The following DPP6 variants were observed in gnomAD, a reference collection of about 807,000 sequenced individuals.
DPP6 encodes dipeptidyl peptidase like 6.
Under a neutral mutation model 122.6 loss-of-function variants are expected in DPP6, and 69 were observed. The ratio of observed to expected loss-of-function variants is 0.56; its 90% confidence interval spans 0.46 to 0.69. DPP6 has a LOEUF of 0.69. DPP6 is among the 30% of genes least tolerant of loss of function. The probability of loss-of-function intolerance (pLI) is 0.00; values close to 1 mark genes in which losing one functional copy is unlikely to be tolerated. For missense variants in DPP6, 928 were observed against 1,116.9 expected, an observed-to-expected ratio of 0.83 and a Z score of 2.41; for synonymous variants, 418 against 433.1, an observed-to-expected ratio of 0.97 and a Z score of 0.43.
intron 12 of DPP6, among the ~76,000 whole-genome samples, chr7:154,796,693 T>A (rs1798069349): frequency 1.3e-5 from 2 of 152,196 alleles, no homozygotes; most frequent in African/African-American, 4.8e-5. Context: ...TGCTTCTTCA[T>A]CGATATGGTG....
chr7:154,226,571 A>G (rs1017050171), intron 1 of DPP6, among the ~76,000 whole-genome samples: 2 of 152,168 alleles, frequency 1.3e-5, no homozygotes, highest in Non-Finnish European at 2.9e-5. Context: ...CAGTATTGCA[A>G]TCCATGTAGT....
rs1804753859 is a variant in DPP6 at position 154,875,272 on chromosome 7, A to C, written c.1884-634A>C. On this transcript the variant is annotated intron_variant, in intron 19 of 25. Coordinates refer to ENST00000377770, the MANE Select transcript of DPP6 (RefSeq NM_130797.4). This position sits in a 1 kb window ranked among gnomAD's most constrained non-coding sequence, Gnocchi z 4.5. ...AAATGCCCCACCATGGATGCCTTTCAGCCAGCAGTGCTGGGCTCGCAAATG... is the reference window on the plus strand; with the variant it reads ...AAATGCCCCACCATGGATGCCTTTCCGCCAGCAGTGCTGGGCTCGCAAATG... 6.6e-6 allele frequency among the ~76,000 whole-genome samples: 1 copy of C among 152,238 alleles called. No homozygotes were observed. Among genetic ancestry groups the C allele is most frequent in the Admixed American group, 6.5e-5 (1 of 15,292 alleles).
intron 1 of DPP6, among the ~76,000 whole-genome samples, chr7:154,141,353 C>A: frequency 6.6e-6 from 1 of 152,178 alleles, no homozygotes. Context: ...CTCCTCAGTG[C>A]GACTCCCATC....
chr7:153,842,483 A>G, the DPP6 span, among the ~76,000 whole-genome samples: 6 of 151,736 alleles, frequency 4.0e-5, no homozygotes, highest in Non-Finnish European at 8.8e-5. Context: ...TCTATTTTGC[A>G]TTCAATCTTT....
intron 1 of DPP6, among the ~76,000 whole-genome samples, chr7:154,204,558 G>A (rs918496093): frequency 2.6e-5 from 4 of 152,110 alleles, no homozygotes; most frequent in African/African-American, 7.2e-5. Flanking sequence ...GTGAACACAC[G>A]GCAAACCTGA....
intron 1 of DPP6, among the ~76,000 whole-genome samples, chr7:153,937,922 A>C (rs1415883400): frequency 6.6e-6 from 1 of 152,196 alleles, no homozygotes; most frequent in African/African-American, 2.4e-5. Flanking sequence ...TTGGAATTAC[A>C]CATGCCAGAT....
chr7:154,434,515 C>T (rs1384607775), intron 1 of DPP6, among the ~76,000 whole-genome samples: 2 of 152,078 alleles, frequency 1.3e-5, no homozygotes, highest in Non-Finnish European at 2.9e-5. Flanking sequence ...ATCTGACGTG[C>T]TCTTCCATTT....
intron 1 of DPP6, among the ~76,000 whole-genome samples, chr7:154,415,419 C>T (rs1205780949): frequency 6.6e-6 from 1 of 152,140 alleles, no homozygotes; most frequent in Non-Finnish European, 1.5e-5. Context: ...TTGCCTTCCT[C>T]AAGCATGCTT....
intron 1 of DPP6, among the ~76,000 whole-genome samples, chr7:153,999,688 G>A (rs1797598267): frequency 3.3e-5 from 5 of 152,190 alleles, no homozygotes. Context: ...GCAGTGGGGG[G>A]TGGCTCACGC....
At chr7:154,573,820 A>G (rs920386836) in intron 5 of DPP6, among the ~76,000 whole-genome samples, 1 of 152,232 alleles carries the variant, frequency 6.6e-6, no homozygotes, top group African/African-American at 2.4e-5. Context: ...TTTAAAGGCT[A>G]AGCCTGTGTA....
rs143049685 is a variant in DPP6, at chr7:154,067,673, T to G, written c.243+14610T>G. Among the ~76,000 whole-genome samples, 11 of 152,280 alleles carry G rather than the reference T, an allele frequency of 7.2e-5. No homozygotes were observed. The East Asian group carries it at 2.1e-3, about 29-fold the overall frequency. ...AAGCAGACACGTGAGATTTCTGTTTTTCTGCTTCCATTTCAGTATTTTCCA... is the reference window on the plus strand; with the variant it reads ...AAGCAGACACGTGAGATTTCTGTTTGTCTGCTTCCATTTCAGTATTTTCCA... On this transcript the variant is annotated intron_variant, in intron 1 of 25. Transcript: ENST00000377770.
Position 153,910,234 on chromosome 7 carries a change from C to CTTTTTTCTTTTTTTTTTTTTTTTTTT in DPP6, c.51+22506_51+22507insCTTTTTTTTTTTTTTTTTTTTTTTTT, listed in dbSNP as rs750065238. ...ACTTTTTTGACCACTTTCTTTCTTT[C>CTTTTTTCTTTTTTTTTTTTTTTTTTT]TTTTTTTTTTTTTGAGATGGAGTCT... On this transcript the variant is annotated intron_variant, in intron 1 of 25. Coordinates refer to the DPP6 transcript ENST00000404039. Among the ~76,000 whole-genome samples, 7 of 137,752 alleles carry CTTTTTTCTTTTTTTTTTTTTTTTTTT rather than the reference C, an allele frequency of 5.1e-5. 1 individual carries two copies. The highest frequency in any genetic ancestry group is 8.1e-5 in the African/African-American group (3 of 37,020). 90.4% of individuals were successfully genotyped at this position (137,752 alleles called of 152,430 possible). A position where few individuals can be genotyped will look rare whatever the true frequency, so the allele number is the denominator to read the frequency against.
intron 7 of DPP6, among the ~76,000 whole-genome samples, chr7:154,670,907 A>C (rs1838511981): frequency 6.6e-6 from 1 of 152,220 alleles, no homozygotes; most frequent in African/African-American, 2.4e-5. Context: ...GCTATTATTA[A>C]CATGTCTCTA....
chr7:154,788,270 C>A (rs1252665883), intron 10 of DPP6, among the ~76,000 whole-genome samples: 2 of 151,896 alleles, frequency 1.3e-5, no homozygotes, highest in African/African-American at 4.8e-5. Context: ...AAGGCGAAAC[C>A]CCCTCTCTAC....
chr7:154,200,961 T>A (rs1248574853), intron 1 of DPP6, among the ~76,000 whole-genome samples: 2 of 152,120 alleles, frequency 1.3e-5, no homozygotes, highest in Admixed American at 6.5e-5. Context: ...AATTGTGGGC[T>A]TCTCTTCCCC....
the DPP6 span, among the ~76,000 whole-genome samples, chr7:153,806,892 A>G: frequency 6.6e-6 from 1 of 151,904 alleles, no homozygotes; most frequent in South Asian, 2.1e-4. Context: ...AATAAAAACT[A>G]CCAGGGAAAT....
At chr7:154,541,835 C>CGA (rs1828755327) in intron 4 of DPP6, among the ~76,000 whole-genome samples, 1 of 152,036 alleles carries the variant, frequency 6.6e-6, no homozygotes, top group South Asian at 2.1e-4. Flanking sequence ...GGATCCTGAG[C>CGA]GAGACTTAGA....
intron 8 of DPP6, among the ~76,000 whole-genome samples, chr7:154,766,915 CT>C (rs1350693513): frequency 3.3e-5 from 5 of 152,196 alleles, no homozygotes; most frequent in African/African-American, 1.2e-4. Flanking sequence ...CTTGCCCCCC[CT>C]TGCCTAGTGG....
rs188043714 is a variant in DPP6 at position 154,252,633 on chromosome 7, G to T, written c.244-193581G>T. Among the ~76,000 whole-genome samples, 365 of 152,272 alleles carry T rather than the reference G, an allele frequency of 2.4e-3. 3 individuals are homozygous for T. Among genetic ancestry groups the T allele is most frequent in the Middle Eastern group, 0.017 (5 of 294 alleles). On this transcript the variant is annotated intron_variant, in intron 1 of 25. Transcript: ENST00000377770. ...TTGTGGCTGTGTTATCAAAGCAGGA[G>T]AATCATTAGGATGTATGGATTATGG...
Sources: gnomAD v4.1 joint callset for allele counts (sites outside exome capture counted in the v4.1 genomes callset) on GRCh38, gnomAD v4.1.1 for gene constraint, Gnocchi (gnomAD v3.1) non-coding constraint, MANE v1.5 for transcripts, NCBI Gene and HGNC (gene_info 2026-07-23, HGNC 2026-07-21) for gene names.